Variants in PTPRT observed in about 807,000 individuals in gnomAD.
PTPRT encodes receptor-type tyrosine-protein phosphatase T.
A neutral mutation model predicts 176.8 loss-of-function variants in PTPRT; 56 were observed. That is an observed-to-expected ratio of 0.32 (90% confidence interval 0.26 to 0.40). The LOEUF (loss-of-function observed/expected upper bound fraction) is 0.40, where lower values mean the gene tolerates loss of function less well. Among genes scored for constraint, PTPRT ranks in the 10% least tolerant of loss-of-function variants. PTPRT has a pLI of 1.00. For missense variants in PTPRT, 1,540 were observed against 1,908.2 expected (o/e 0.81, Z 3.60); for synonymous variants, 783 against 739.0 (o/e 1.06, Z -0.96).
intron 9 of PTPRT, among the ~76,000 whole-genome samples, chr20:42,445,325 A>T (rs1221795853): frequency 6.6e-6 from 1 of 152,228 alleles, no homozygotes. Context: ...ATTTAATCAG[A>T]TCTTCAGAGT....
At chr20:43,096,845 G>T (rs867357086) in intron 1 of PTPRT, among the ~76,000 whole-genome samples, 3 of 152,220 alleles carry the variant, frequency 2.0e-5, no homozygotes, top group Non-Finnish European at 2.9e-5. Context: ...CAGCTGAGGA[G>T]GTTGGAGGCC....
At chr20:42,660,872 G>C (rs563582381) in intron 7 of PTPRT, among the ~76,000 whole-genome samples, 9 of 152,204 alleles carry the variant, frequency 5.9e-5, no homozygotes, top group South Asian at 4.1e-4. Flanking sequence ...TTTTTCTTGA[G>C]ACAGAGTCTC....
intron 16 of PTPRT, among the ~76,000 whole-genome samples, chr20:42,190,467 A>G (rs1473834363): frequency 2.6e-5 from 4 of 152,148 alleles, no homozygotes; most frequent in Non-Finnish European, 5.9e-5. Flanking sequence ...CAGGGAGGTG[A>G]GCTAGAGCCT....
chr20:42,806,663 T>A (rs576206), intron 2 of PTPRT, among the ~76,000 whole-genome samples: 2,657 of 152,134 alleles, frequency 0.017, 82 homozygotes, highest in African/African-American at 0.061. Context: ...AATTCTACTG[T>A]TGGGGTGTGA....
At chr20:42,213,266 G>T (rs1356189197) in intron 15 of PTPRT, among the ~76,000 whole-genome samples, 1 of 71,666 alleles carries the variant, frequency 1.4e-5, no homozygotes, top group Non-Finnish European at 4.2e-5. Flanking sequence ...TCTTCAGCAG[G>T]TCTGAATTAG....
Position 42,115,221 on chromosome 20 carries a change from A to G in PTPRT, c.3077T>C (p.Ile1026Thr). The G allele has an allele frequency of 6.2e-7, 1 of 1,613,994 alleles. No individual in the cohort carries two copies. The highest frequency in any genetic ancestry group is 8.5e-7 in the Non-Finnish European group (1 of 1,179,882). Residue 1026 changes from isoleucine (I) to threonine (T), a missense_variant, in exon 22 of 31, where the codon ATA becomes ACA. Ile to Thr is a moderately conservative substitution (Grantham distance 89, BLOSUM62 -1). Coordinates refer to ENST00000373187, the MANE Select transcript of PTPRT (RefSeq NM_007050.6). ...IETEPLAEYV[I>T]RTFTVQKKGY... ...TACCTTCTGGACTGTGAAGGTGCGT[A>G]TGACGTATTCTGCCAGGGGCTCTGT...
chr20:42,839,861 C>T, intron 2 of PTPRT, among the ~76,000 whole-genome samples: 1 of 152,148 alleles, frequency 6.6e-6, no homozygotes, highest in East Asian at 1.9e-4. Context: ...GGTTTACCCG[C>T]TGAGATCCTA....
intron 6 of PTPRT, among the ~76,000 whole-genome samples, chr20:42,689,613 C>T (rs975043361): frequency 1.3e-5 from 2 of 152,156 alleles, no homozygotes; most frequent in African/African-American, 4.8e-5. Context: ...TTCCTAATCC[C>T]CAAAACTTAC....
intron 6 of PTPRT, among the ~76,000 whole-genome samples, chr20:42,691,750 C>T (rs1253694228): frequency 6.6e-6 from 1 of 152,142 alleles, no homozygotes; most frequent in East Asian, 1.9e-4. Context: ...TCTGCAAGGT[C>T]CCATAGACCT....
rs375855108 is a variant in PTPRT, at chr20:42,608,770, C to G, written c.1153+69096G>C. On this transcript the variant is annotated intron_variant, in intron 7 of 30. Coordinates refer to ENST00000373187, the MANE Select transcript of PTPRT (RefSeq NM_007050.6). ...TTGCCATGGGGTCCAGGCTTCTCAC[C>G]GCATACAGAGTGAGTTCTGAAGGAG... Among the ~76,000 whole-genome samples the G allele has an allele frequency of 1.4e-3, 215 of 152,244 alleles. 2 individuals carry two copies. The highest frequency in any genetic ancestry group is 5.0e-3 in the African/African-American group (208 of 41,542).
At chr20:43,129,658 G>T (rs1158997631) in intron 1 of PTPRT, among the ~76,000 whole-genome samples, 3 of 119,936 alleles carry the variant, frequency 2.5e-5, no homozygotes, top group African/African-American at 9.9e-5. Flanking sequence ...TCGCTCTGTC[G>T]CCCAGGCTGG....
At chr20:42,883,914 A>C (rs1430224704) in intron 2 of PTPRT, among the ~76,000 whole-genome samples, 3 of 108,594 alleles carry the variant, frequency 2.8e-5, no homozygotes, top group African/African-American at 1.1e-4. Flanking sequence ...ACACACACAC[A>C]CATACCAGTA....
intron 3 of PTPRT, among the ~76,000 whole-genome samples, chr20:42,789,168 T>C (rs941053898): frequency 1.3e-5 from 2 of 152,218 alleles, no homozygotes; most frequent in Non-Finnish European, 2.9e-5. Flanking sequence ...GTGTAAAATA[T>C]AGACTGAATT....
chr20:42,989,500 T>C (rs1426310299), intron 1 of PTPRT, among the ~76,000 whole-genome samples: 1 of 152,184 alleles, frequency 6.6e-6, no homozygotes, highest in African/African-American at 2.4e-5. Flanking sequence ...CACTGGGCTT[T>C]CCCAGTGAGG....
At chr20:42,751,676 C>A (rs1169653859) in intron 6 of PTPRT, among the ~76,000 whole-genome samples, 2 of 152,150 alleles carry the variant, frequency 1.3e-5, no homozygotes, top group African/African-American at 4.8e-5. Context: ...AGTTTTCCTG[C>A]CTTCGTCTTC....
At chr20:42,139,916 C>G (rs894330604) in intron 18 of PTPRT, among the ~76,000 whole-genome samples, 6 of 152,028 alleles carry the variant, frequency 3.9e-5, no homozygotes, top group African/African-American at 1.5e-4. Flanking sequence ...AGTCTTAATA[C>G]ATGTTTGCTG....
chr20:42,495,233 C>T (rs1424501148), intron 7 of PTPRT, among the ~76,000 whole-genome samples: 2 of 152,174 alleles, frequency 1.3e-5, no homozygotes, highest in Non-Finnish European at 2.9e-5. Flanking sequence ...GTGCTACACT[C>T]TTAATGCCAT....
chr20:42,929,076 A>G (rs1435789575), intron 1 of PTPRT, among the ~76,000 whole-genome samples: 1 of 152,268 alleles, frequency 6.6e-6, no homozygotes, highest in Admixed American at 6.5e-5. Flanking sequence ...CAGGTAAGAC[A>G]GTAAGTCACC....
intron 6 of PTPRT, among the ~76,000 whole-genome samples, chr20:42,744,955 T>C (rs979034586): frequency 1.3e-5 from 2 of 152,218 alleles, no homozygotes; most frequent in African/African-American, 4.8e-5. Flanking sequence ...CACCACTTTA[T>C]CCTATGGAAG....
Sources: allele counts gnomAD v4.1 joint callset (sites outside exome capture counted in the v4.1 genomes callset), GRCh38; gene constraint gnomAD v4.1.1; transcripts MANE v1.5; gene names NCBI Gene and HGNC (gene_info 2026-07-23, HGNC 2026-07-21).